Variants in ME3 observed in about 807,000 individuals in gnomAD.
ME3 encodes malic enzyme 3.
Under a neutral mutation model 68.9 loss-of-function variants are expected in ME3, and 48 were observed. That is an observed-to-expected ratio of 0.70 (90% CI 0.55 to 0.89). The LOEUF is 0.89. ME3 is among the 40% of genes least tolerant of loss of function. The pLI is 0.00. For missense variants in ME3, 675 were observed against 797.4 expected (o/e 0.85, Z 1.85); for synonymous variants, 320 against 318.8 (o/e 1.00, Z -0.04).
At chr11:86,487,496 T>A (rs1006700851) in intron 6 of ME3, 56 bp from the exon 7 acceptor site, 7 of 1,440,444 alleles carry the variant, frequency 4.9e-6, no homozygotes, top group Non-Finnish European at 6.8e-6. Flanking sequence ...TGTTTTTTTT[T>A]TTTCCAACAA....
At chr11:86,485,819 G>A (rs928974706) in intron 7 of ME3, among the ~76,000 whole-genome samples, 2 of 152,030 alleles carry the variant, frequency 1.3e-5, no homozygotes, top group Non-Finnish European at 2.9e-5. Flanking sequence ...TGCTCTCTTC[G>A]TCTTCCTGCC....
intron 4 of ME3, among the ~76,000 whole-genome samples, chr11:86,533,961 T>C (rs1955456114): frequency 6.6e-6 from 1 of 152,096 alleles, no homozygotes; most frequent in African/African-American, 2.4e-5. Flanking sequence ...GCTACAAACA[T>C]GTACATCATG....
rs149522585 is a variant in ME3, at chr11:86,542,972, A to G, written c.467+13581T>C. On this transcript the variant is annotated intron_variant, in intron 4 of 14. Transcript: ENST00000543262. ...GAGGATCTTTCTGCAGAAACCCTAC[A>G]TGCCAGAAGAGAATGGGAGTCAATA... Among the ~76,000 whole-genome samples the G allele has an allele frequency of 3.5e-3, 531 of 152,346 alleles. 3 individuals carry two copies. The highest frequency in any genetic ancestry group is 0.012 in the African/African-American group (513 of 41,582).
intron 9 of ME3, 54 bp from the exon 10 acceptor site, chr11:86,450,056 A>T: frequency 1.5e-6 from 2 of 1,369,592 alleles, no homozygotes; most frequent in Non-Finnish European, 2.1e-6. Context: ...GCTGCTGAAC[A>T]TTTATCTGAT....
intron 7 of ME3, among the ~76,000 whole-genome samples, chr11:86,472,837 C>T (rs1950855855): frequency 6.6e-6 from 1 of 152,110 alleles, no homozygotes; most frequent in Admixed American, 6.5e-5. Flanking sequence ...AGGAGGAGCC[C>T]AGGAAGGGCC....
chr11:86,502,356 T>A (rs1404883057), intron 5 of ME3, among the ~76,000 whole-genome samples: 2 of 152,228 alleles, frequency 1.3e-5, no homozygotes, highest in Non-Finnish European at 2.9e-5. Flanking sequence ...TATGTACATT[T>A]CCTTGTGCTT....
At chr11:86,656,153 AC>A (rs1237612114) in intron 2 of ME3, among the ~76,000 whole-genome samples, 1 of 109,416 alleles carries the variant, frequency 9.1e-6, no homozygotes, top group Non-Finnish European at 2.3e-5. Context: ...TGTTGGTGGG[AC>A]TGTAAACTAG....
At chr11:86,602,510 G>A (rs1405680803) in intron 2 of ME3, among the ~76,000 whole-genome samples, 8 of 152,000 alleles carry the variant, frequency 5.3e-5, no homozygotes, top group African/African-American at 1.5e-4. Flanking sequence ...AATCAATATC[G>A]TGAAAATGGC....
chr11:86,663,156 A>C (rs1250421088), intron 2 of ME3, among the ~76,000 whole-genome samples: 1 of 152,356 alleles, frequency 6.6e-6, no homozygotes, highest in South Asian at 2.1e-4. Context: ...TGCTTTTAAA[A>C]TATAATAATC....
chr11:86,504,179 C>T (rs1952908638), intron 5 of ME3, among the ~76,000 whole-genome samples: 1 of 152,028 alleles, frequency 6.6e-6, no homozygotes, highest in African/African-American at 2.4e-5. Flanking sequence ...TCCTCTGAAC[C>T]ACTCCTCTTT....
chr11:86,553,065 C>T (rs550142388), intron 4 of ME3, among the ~76,000 whole-genome samples: 6 of 152,312 alleles, frequency 3.9e-5, no homozygotes, highest in Non-Finnish European at 5.9e-5. Flanking sequence ...AGTGACTGAC[C>T]TTCATGGGGC....
chr11:86,606,890 G>A (rs2135163470), intron 2 of ME3, among the ~76,000 whole-genome samples: 2 of 152,278 alleles, frequency 1.3e-5, no homozygotes, highest in South Asian at 2.1e-4. Flanking sequence ...AGAAACAAAT[G>A]TAAATATGTG....
intron 3 of ME3, among the ~76,000 whole-genome samples, chr11:86,558,954 A>G (rs1957064556): frequency 1.3e-5 from 2 of 152,184 alleles, no homozygotes; most frequent in African/African-American, 4.8e-5. Context: ...TCTTGTAGCC[A>G]CTGGTCCCTG....
chr11:86,671,745 G>C lies in ME3; in HGVS notation c.183+17C>G. 6.3e-7 allele frequency: 1 copy of C among 1,598,622 alleles called. No homozygotes were observed. Among genetic ancestry groups the C allele is most frequent in the Non-Finnish European group, 8.5e-7 (1 of 1,173,796 alleles). On this transcript the variant is annotated intron_variant, in intron 2 of 14. Coordinates refer to ENST00000543262, the Ensembl canonical transcript of ME3. Reference sequence around the variant, plus strand: ...ACGGGATCGCAACGCGGGCCGTCCTGCCCTCTGGCCCATTACCTTGTTGAG... The same window carrying C: ...ACGGGATCGCAACGCGGGCCGTCCTCCCCTCTGGCCCATTACCTTGTTGAG...
rs543355153 is a variant in ME3 at position 86,444,297 on chromosome 11, G to A, written c.1555-1378C>T. The stretch of plus-strand genomic sequence containing the variant: ...TTGAAAACAGCACATTGGTTAGGTC[G>A]ATGTTAGGGAGACACCAAAAGTGAG... On this transcript the variant is annotated intron_variant, in intron 13 of 14. Transcript: ENST00000543262. Among the ~76,000 whole-genome samples the A allele has an allele frequency of 5.9e-5, 9 of 152,234 alleles. No individual in the cohort carries two copies. The South Asian group carries it at 6.2e-4, about 11-fold the overall frequency.
downstream of ME3, chr11:86,441,103 G>C (rs1948971861): frequency 1.9e-6 from 1 of 513,964 alleles, no homozygotes; most frequent in Non-Finnish European, 3.1e-6. Context: ...TGAACTCCCA[G>C]GGCCTTCAGA....
Position 86,498,127 on chromosome 11 carries a change from GA to G in ME3, c.544-4del. ...TCCCCATCAGTCACCACCACGGCCT[GA>G]AAAACAGCAGGGCACCATCAATCAG... is the stretch of plus-strand genomic sequence containing the variant. On this transcript the variant is annotated splice_region_variant and splice_polypyrimidine_tract_variant and intron_variant, in intron 5 of 14. Coordinates refer to ENST00000543262, the Ensembl canonical transcript of ME3. The G allele has an allele frequency of 6.2e-7, 1 of 1,607,692 alleles. No homozygotes were observed.
intron 4 of ME3, among the ~76,000 whole-genome samples, chr11:86,543,700 A>G (rs893642700): frequency 1.3e-5 from 2 of 152,202 alleles, no homozygotes; most frequent in Non-Finnish European, 2.9e-5. Flanking sequence ...CCACACAAGA[A>G]CAGCGGGAGA....
chr11:86,598,068 T>C (rs1959841213), intron 2 of ME3, among the ~76,000 whole-genome samples: 1 of 152,126 alleles, frequency 6.6e-6, no homozygotes, highest in Non-Finnish European at 1.5e-5. Context: ...ACTGGGTTCA[T>C]CTCACTAGGG....
Sources: gnomAD v4.1 joint callset for allele counts (sites outside exome capture counted in the v4.1 genomes callset) on GRCh38, gnomAD v4.1.1 for gene constraint, MANE v1.5 for transcripts, NCBI Gene and HGNC (gene_info 2026-07-23, HGNC 2026-07-21) for gene names.